BDH1: variants seen among roughly 807,000 people sequenced by gnomAD.
BDH1 encodes the protein D-beta-hydroxybutyrate dehydrogenase, mitochondrial.
In BDH1, 30 loss-of-function variants were observed where a neutral mutation model predicts 33.1. That is an observed-to-expected ratio of 0.91 (90% confidence interval 0.68 to 1.23). The LOEUF (loss-of-function observed/expected upper bound fraction) is 1.23, where lower values mean the gene tolerates loss of function less well. BDH1 is among the 50% of genes most tolerant of loss of function. The pLI, the probability that BDH1 is intolerant of heterozygous loss-of-function variation, is 0.00. For missense variants in BDH1, 443 were observed against 464.4 expected (o/e 0.95, Z 0.42); for synonymous variants, 190 against 183.6 (o/e 1.03, Z -0.28).
chr3:197,566,252 T>C (rs1717428363), intron 1 of BDH1, among the ~76,000 whole-genome samples: 1 of 152,234 alleles, frequency 6.6e-6, no homozygotes, highest in South Asian at 2.1e-4. Flanking sequence ...AAGTTTTGAC[T>C]GGAATGGTGT....
At chr3:197,549,214 T>C (rs1716349944) in intron 2 of BDH1, among the ~76,000 whole-genome samples, 1 of 152,172 alleles carries the variant, frequency 6.6e-6, no homozygotes, top group African/African-American at 2.4e-5. Context: ...ACTCATAAGA[T>C]ACTGTCACAA....
In BDH1 at chr3:197,525,795, G is replaced by A. The variant is rs992145861; in HGVS notation, c.268-3014C>T. 9.9e-5 allele frequency among the ~76,000 whole-genome samples: 15 copies of A among 152,200 alleles called. No homozygotes were observed. Among genetic ancestry groups the A allele is most frequent in the Non-Finnish European group, 2.1e-4 (14 of 68,032 alleles). On this transcript the variant is annotated intron_variant, in intron 5 of 7. Coordinates refer to ENST00000392379, the MANE Select transcript of BDH1 (RefSeq NM_203314.3). The surrounding 1 kb of genome is among the most constrained non-coding windows in gnomAD (Gnocchi z 4.9). Reference sequence around the variant, plus strand: ...CCCCCTCAGGGTCTACCTGTCCTCAGGCCAAGACTGCCCCGCAGGCCACAC... The same window carrying A: ...CCCCCTCAGGGTCTACCTGTCCTCAAGCCAAGACTGCCCCGCAGGCCACAC...
chr3:197,510,038 G>T lies in BDH1; in HGVS notation c.*1857C>A, dbSNP rs1002797253. On this transcript the variant is annotated 3_prime_UTR_variant, in exon 8 of 8. Transcript: ENST00000392379. ...GACAGCGGGGACAACGGCCCGGGAG[G>T]CAGCTGAATTGCCCATTGTGAGGCC... 2.0e-5 allele frequency: 3 copies of T among 152,324 alleles called. No individual in the cohort carries two copies. The highest frequency in any genetic ancestry group is 6.5e-5 in the Admixed American group (1 of 15,288). 9.4% of individuals were successfully genotyped at this position (152,324 alleles called of 1,614,324 possible).
chr3:197,532,391 A>T (rs750453287), intron 5 of BDH1, 21 bp downstream of exon 5: 9 of 1,584,850 alleles, frequency 5.7e-6, no homozygotes, highest in Non-Finnish European at 6.9e-6. Context: ...ACAATGGTGA[A>T]GAAGATAACT....
At chr3:197,536,159 C>T (rs1193814625) in intron 3 of BDH1, among the ~76,000 whole-genome samples, 2 of 152,182 alleles carry the variant, frequency 1.3e-5, no homozygotes, top group Non-Finnish European at 2.9e-5. Context: ...TGCTCCAGCG[C>T]CATTTTTTGA....
Position 197,514,491 on chromosome 3 carries a change from G to A in BDH1, c.410-75C>T. 1 of 1,448,430 alleles carries A rather than the reference G, an allele frequency of 6.9e-7. No individual in the cohort carries two copies. Among genetic ancestry groups the A allele is most frequent in the Non-Finnish European group, 9.2e-7 (1 of 1,081,184 alleles). 89.7% of individuals were successfully genotyped at this position (1,448,430 alleles called of 1,614,324 possible). Reference sequence around the variant, plus strand: ...ACATTGCCCATCAGCCTGCAGGCCAGCCTCCTCTCTGCTTCTTTCCTGTGA... The same window carrying A: ...ACATTGCCCATCAGCCTGCAGGCCAACCTCCTCTCTGCTTCTTTCCTGTGA... On this transcript the variant is annotated intron_variant, in intron 6 of 7. Coordinates refer to ENST00000392379, the MANE Select transcript of BDH1 (RefSeq NM_203314.3). The surrounding 1 kb of genome is among the most constrained non-coding windows in gnomAD (Gnocchi z 4.2).
At chr3:197,536,383 A>G (rs1423436295) in intron 3 of BDH1, among the ~76,000 whole-genome samples, 3 of 152,212 alleles carry the variant, frequency 2.0e-5, no homozygotes, top group Non-Finnish European at 4.4e-5. Flanking sequence ...TATAAAAAAT[A>G]TGACTGGGAT....
intron 3 of BDH1, among the ~76,000 whole-genome samples, chr3:197,537,031 T>C (rs551475062): frequency 6.6e-6 from 1 of 152,296 alleles, no homozygotes; most frequent in African/African-American, 2.4e-5. Context: ...CTCTGTTGCC[T>C]AGGCTGGAGT....
upstream of BDH1, among the ~76,000 whole-genome samples, chr3:197,560,306 G>A (rs944668352): frequency 2.6e-5 from 4 of 152,212 alleles, no homozygotes; most frequent in African/African-American, 4.8e-5. Context: ...AATATTTGCC[G>A]TGGTGTGCTT....
Position 197,525,735 on chromosome 3 carries a change from C to T in BDH1, c.268-2954G>A, listed in dbSNP as rs1246960661. ...TATTCAGAGAAATCTTTCCAACCAC[C>T]CTCAGCCTGCTGGCTGCAGACTCTG... On this transcript the variant is annotated intron_variant, in intron 5 of 7. Coordinates refer to ENST00000392379, the MANE Select transcript of BDH1 (RefSeq NM_203314.3). This position sits in a 1 kb window ranked among gnomAD's most constrained non-coding sequence, Gnocchi z 4.9. 2.0e-5 allele frequency among the ~76,000 whole-genome samples: 3 copies of T among 152,222 alleles called. No homozygotes were observed. Among genetic ancestry groups the T allele is most frequent in the African/African-American group, 7.2e-5 (3 of 41,446 alleles).
chr3:197,533,010 T>G (rs1714814482), intron 4 of BDH1, among the ~76,000 whole-genome samples: 2 of 152,204 alleles, frequency 1.3e-5, no homozygotes, highest in Admixed American at 6.5e-5. Context: ...CCCAAGTAGC[T>G]GGGATTACAG....
At chr3:197,552,418 TCAC>T (rs1716652022) in intron 2 of BDH1, among the ~76,000 whole-genome samples, 2 of 152,154 alleles carry the variant, frequency 1.3e-5, no homozygotes, top group Non-Finnish European at 2.9e-5. Flanking sequence ...ATGTCACGCC[TCAC>T]CAAACTCCTG....
intron 5 of BDH1, among the ~76,000 whole-genome samples, chr3:197,531,409 TAAAAAA>T (rs61663838): frequency 6.5e-4 from 90 of 139,020 alleles, no homozygotes; most frequent in African/African-American, 1.8e-3. Flanking sequence ...AAACATAAAT[TAAAAAA>T]AAAATATATA....
At chr3:197,569,165 C>T (rs1394703956) in intron 1 of BDH1, among the ~76,000 whole-genome samples, 1 of 152,194 alleles carries the variant, frequency 6.6e-6, no homozygotes, top group Admixed American at 6.5e-5. Context: ...TTGGGTTAAG[C>T]ACACCACCAA....
At chr3:197,552,399 A>T (rs918676335) in intron 2 of BDH1, among the ~76,000 whole-genome samples, 1 of 152,182 alleles carries the variant, frequency 6.6e-6, no homozygotes, top group African/African-American at 2.4e-5. Context: ...GCGGAACATA[A>T]ATCAGATCAT....
In BDH1 at chr3:197,511,887, G is replaced by T. The variant is rs763221427; in HGVS notation, c.*8C>A. 5 of 1,545,550 alleles carry T rather than the reference G, an allele frequency of 3.2e-6. No homozygotes were observed. In the Admixed American group the frequency reaches 9.4e-5, roughly 29 times the overall value. ...AGGGATCCCTGACAGAGGCCACAGC[G>T]AGACTCTTCAGCGGATGTAGATCAT... On this transcript the variant is annotated 3_prime_UTR_variant, in exon 8 of 8. Coordinates refer to ENST00000392379, the MANE Select transcript of BDH1 (RefSeq NM_203314.3).
intron 1 of BDH1, among the ~76,000 whole-genome samples, chr3:197,565,462 C>T (rs1360003479): frequency 6.6e-6 from 1 of 151,920 alleles, no homozygotes; most frequent in Non-Finnish European, 1.5e-5. Context: ...TATTAGGTTT[C>T]CTGAAGTCCA....
chr3:197,531,163 A>C (rs951248502), intron 5 of BDH1, among the ~76,000 whole-genome samples: 2 of 152,114 alleles, frequency 1.3e-5, no homozygotes, highest in Non-Finnish European at 2.9e-5. Flanking sequence ...TGGGAGGCCA[A>C]GGTGAGTGGA....
In BDH1 at chr3:197,514,083, T is replaced by A; in HGVS notation, c.562+181A>T. 1.3e-6 allele frequency: 1 copy of A among 767,988 alleles called. No individual in the cohort carries two copies. The highest frequency in any genetic ancestry group is 2.0e-6 in the Non-Finnish European group (1 of 502,322). The allele number at this position is 767,988 out of a possible 1,614,324, so 47.6% of individuals were successfully genotyped here. ...TTACCTGCTCTGCTTCCTCCTCCCCTACCCGGCCACAGCCCCTCTGCCCAC... is the reference window on the plus strand; with the variant it reads ...TTACCTGCTCTGCTTCCTCCTCCCCAACCCGGCCACAGCCCCTCTGCCCAC... On this transcript the variant is annotated intron_variant, in intron 7 of 7. Transcript: ENST00000392379. The surrounding 1 kb of genome is among the most constrained non-coding windows in gnomAD (Gnocchi z 4.2).
Sources: allele counts gnomAD v4.1 joint callset (sites outside exome capture counted in the v4.1 genomes callset), GRCh38; gene constraint gnomAD v4.1.1; non-coding constraint Gnocchi (gnomAD v3.1); transcripts MANE v1.5; gene names NCBI Gene and HGNC (gene_info 2026-07-23, HGNC 2026-07-21).